SAXO1: variants seen among roughly 807,000 people sequenced by gnomAD.
SAXO1 encodes the protein 4930500O09Rik.
SAXO1 carries 21 observed loss-of-function variants against 17.5 expected under a neutral mutation model. The ratio of observed to expected loss-of-function variants is 1.20; its 90% CI spans 0.85 to 1.72. The LOEUF is 1.72. Ranked by LOEUF, SAXO1 falls within the 40% of genes most tolerant of loss-of-function variation. SAXO1 has a pLI of 0.00. For missense variants in SAXO1, 843 were observed against 596.0 expected, an observed-to-expected ratio of 1.41 and a Z score of -4.32; for synonymous variants, 274 against 216.5, an observed-to-expected ratio of 1.27 and a Z score of -2.33.
intron 1 of SAXO1, among the ~76,000 whole-genome samples, chr9:18,971,838 TAC>T (rs1832953918): frequency 1.3e-5 from 2 of 152,326 alleles, no homozygotes; most frequent in Non-Finnish European, 2.9e-5. Context: ...AATTAAAATT[TAC>T]AGATAGTGTA....
intron 1 of SAXO1, among the ~76,000 whole-genome samples, chr9:18,993,867 G>C (rs1026218820): frequency 6.6e-6 from 1 of 152,138 alleles, no homozygotes; most frequent in Non-Finnish European, 1.5e-5. Context: ...AAATTCCAGG[G>C]AGGGGGATAA....
intron 1 of SAXO1, among the ~76,000 whole-genome samples, chr9:19,022,604 T>C (rs750452086): frequency 6.6e-6 from 1 of 152,230 alleles, no homozygotes; most frequent in Non-Finnish European, 1.5e-5. Flanking sequence ...TAGTGATTTT[T>C]AAAAATAGTT....
At chr9:18,944,601 G>A (rs1403756658) in intron 2 of SAXO1, among the ~76,000 whole-genome samples, 2 of 152,192 alleles carry the variant, frequency 1.3e-5, no homozygotes, top group African/African-American at 2.4e-5. Context: ...TTTCTTTTAG[G>A]TAAGTAGCTA....
intron 1 of SAXO1, chr9:19,028,130 C>T: frequency 6.3e-7 from 1 of 1,599,596 alleles, no homozygotes; most frequent in Non-Finnish European, 8.6e-7. Flanking sequence ...CAGTACTACG[C>T]CTAGGGCACG....
At chr9:19,001,603 C>T (rs1184368890) in intron 1 of SAXO1, among the ~76,000 whole-genome samples, 1 of 150,672 alleles carries the variant, frequency 6.6e-6, no homozygotes, top group Non-Finnish European at 1.5e-5. Context: ...GGAGGCGGAG[C>T]TTGCACTGAG....
intron 1 of SAXO1, among the ~76,000 whole-genome samples, chr9:19,038,404 A>G (rs899096006): frequency 7.2e-5 from 11 of 152,070 alleles, no homozygotes; most frequent in Admixed American, 4.6e-4. Context: ...TGGCACATAT[A>G]CACCATGGAA....
rs774962327 is a variant in SAXO1 at position 18,928,279 on chromosome 9, C to T, written c.1198G>A (p.Val400Ile). ...TAGGTGGTCTGGCTTTCCACAGGGA[C>T]ATTTCCTCGAGGGCCAGACCAATGA... ...KPHWSGPRGN[V>I]PVESQTTYTI... Residue 400 changes from valine (V) to isoleucine (I), a missense_variant, in exon 4 of 4, where the codon GTC becomes ATC. Physicochemically the swap from Val to Ile is conservative, Grantham distance 29. Transcript: ENST00000380534. 6.2e-7 allele frequency: 1 copy of T among 1,612,674 alleles called. No homozygotes were observed. The highest frequency in any genetic ancestry group is 2.2e-5 in the East Asian group (1 of 44,796).
At chr9:18,949,275 T>C (rs1324841058) in intron 2 of SAXO1, among the ~76,000 whole-genome samples, 2 of 152,124 alleles carry the variant, frequency 1.3e-5, no homozygotes, top group Admixed American at 1.3e-4. Flanking sequence ...CTTAGCAATA[T>C]AGCAAAACCT....
intron 1 of SAXO1, among the ~76,000 whole-genome samples, chr9:18,991,379 T>C (rs1213332339): frequency 6.6e-6 from 1 of 152,184 alleles, no homozygotes; most frequent in Non-Finnish European, 1.5e-5. Flanking sequence ...TGGAATACTA[T>C]GCAGCCATAA....
chr9:19,016,515 G>C (rs1834982028), intron 1 of SAXO1, among the ~76,000 whole-genome samples: 1 of 152,054 alleles, frequency 6.6e-6, no homozygotes, highest in Admixed American at 6.5e-5. Context: ...TTCTCAGGTG[G>C]GGGCAATTTT....
chr9:18,961,836 T>A (rs895070322), intron 1 of SAXO1, among the ~76,000 whole-genome samples: 1 of 152,274 alleles, frequency 6.6e-6, no homozygotes, highest in East Asian at 1.9e-4. Flanking sequence ...GATGTACCTA[T>A]CCTTTGGTTA....
At chr9:18,964,239 T>G (rs572926220) in intron 1 of SAXO1, among the ~76,000 whole-genome samples, 15 of 152,336 alleles carry the variant, frequency 9.8e-5, no homozygotes, top group African/African-American at 3.6e-4. Context: ...TTTCTTTTTT[T>G]GTTGTGTCTC....
At chr9:19,031,684 G>A (rs1470692645) in intron 1 of SAXO1, among the ~76,000 whole-genome samples, 2 of 152,216 alleles carry the variant, frequency 1.3e-5, no homozygotes, top group Non-Finnish European at 2.9e-5. Context: ...GTTTGTACAT[G>A]ATCTAGTTCA....
intron 2 of SAXO1, among the ~76,000 whole-genome samples, chr9:18,942,421 A>C (rs73648810): frequency 1.3e-5 from 2 of 151,388 alleles, no homozygotes; most frequent in African/African-American, 4.9e-5. Context: ...TGCGCTCTCC[A>C]CCTTCCTTCC....
At chr9:19,043,222 G>T (rs954394057) in intron 1 of SAXO1, among the ~76,000 whole-genome samples, 1 of 152,048 alleles carries the variant, frequency 6.6e-6, no homozygotes, top group Non-Finnish European at 1.5e-5. Flanking sequence ...CAAAAAAAAA[G>T]AATGAGATCC....
At chr9:18,974,298 G>C (rs930934978) in intron 1 of SAXO1, among the ~76,000 whole-genome samples, 2 of 152,182 alleles carry the variant, frequency 1.3e-5, no homozygotes, top group African/African-American at 4.8e-5. Context: ...GAACTGATGG[G>C]TTTTTAATAT....
intron 1 of SAXO1, among the ~76,000 whole-genome samples, chr9:18,996,622 C>T (rs910742774): frequency 4.6e-5 from 7 of 152,092 alleles, no homozygotes; most frequent in Admixed American, 3.9e-4. Context: ...ACAAAAAAAG[C>T]ATTTGGTAAA....
At chr9:18,971,709 A>G (rs1177389548) in intron 1 of SAXO1, among the ~76,000 whole-genome samples, 4 of 152,174 alleles carry the variant, frequency 2.6e-5, no homozygotes, top group Non-Finnish European at 5.9e-5. Context: ...CAATATGTCA[A>G]AGTTGTCTCT....
chr9:19,030,895 G>A (rs1359013410), intron 1 of SAXO1, among the ~76,000 whole-genome samples: 1 of 152,086 alleles, frequency 6.6e-6, no homozygotes, highest in Non-Finnish European at 1.5e-5. Flanking sequence ...AGCACTTTGA[G>A]AAGATGAAAA....
Sources: allele counts gnomAD v4.1 joint callset (sites outside exome capture counted in the v4.1 genomes callset), GRCh38; gene constraint gnomAD v4.1.1; transcripts MANE v1.5; gene names NCBI Gene and HGNC (gene_info 2026-07-23, HGNC 2026-07-21).